Variants in ZBTB7B observed in about 807,000 individuals in gnomAD.
ZBTB7B encodes the protein zinc finger and BTB domain-containing protein 7B.
A neutral mutation model predicts 31.0 loss-of-function variants in ZBTB7B; 8 were observed. That is an observed-to-expected ratio of 0.26 (90% CI 0.15 to 0.47). ZBTB7B has a LOEUF of 0.47. Among genes scored for constraint, ZBTB7B ranks in the 20% least tolerant of loss-of-function variants. The pLI is 0.99. For missense variants in ZBTB7B, 494 were observed against 742.4 expected, an observed-to-expected ratio of 0.67 and a Z score of 3.89; for synonymous variants, 261 against 307.3, an observed-to-expected ratio of 0.85 and a Z score of 1.58.
rs747771729 is a variant in ZBTB7B at position 155,016,391 on chromosome 1, G to A, written c.1326G>A (p.Glu442=). 1.9e-6 allele frequency: 3 copies of A among 1,614,146 alleles called. No homozygotes were observed. The highest frequency in any genetic ancestry group is 2.5e-6 in the Non-Finnish European group (3 of 1,180,012). Residue 442 remains glutamate (E), a synonymous_variant, in exon 3 of 3, where the codon GAG becomes GAA. Transcript: ENST00000535420. This position sits in a 1 kb window ranked among gnomAD's most constrained non-coding sequence, Gnocchi z 4.3. ...CHLCHKAFAK[E]DHLQRHLKGQ... Reference sequence around the variant, plus strand: ...TGTGCCACAAGGCTTTCGCCAAGGAGGACCACCTGCAGCGCCACCTCAAAG... The same window carrying A: ...TGTGCCACAAGGCTTTCGCCAAGGAAGACCACCTGCAGCGCCACCTCAAAG...
chr1:155,002,975 G>T (rs80300592), intron 1 of ZBTB7B, 32 bp downstream of exon 1: 1 of 152,764 alleles, frequency 6.5e-6, no homozygotes, highest in Non-Finnish European at 1.5e-5. Context: ...CTCCTGGCTC[G>T]GGGTTCACTA....
chr1:155,009,609 AC>A (rs1658812342), intron 1 of ZBTB7B, among the ~76,000 whole-genome samples: 1 of 144,600 alleles, frequency 6.9e-6, no homozygotes, highest in Non-Finnish European at 1.5e-5. Flanking sequence ...CCCCACCCCC[AC>A]CCCACATCCG....
Position 155,016,734 on chromosome 1 carries a change from G to GTC in ZBTB7B, c.*49_*50insTC. 3 of 1,119,446 alleles carry GTC rather than the reference G, an allele frequency of 2.7e-6. No individual in the cohort carries two copies. Among genetic ancestry groups the GTC allele is most frequent in the Non-Finnish European group, 3.8e-6 (3 of 791,152 alleles). The allele number at this position is 1,119,446 out of a possible 1,614,324, so 69.3% of individuals were successfully genotyped here. On this transcript the variant is annotated 3_prime_UTR_variant, in exon 3 of 3. Transcript: ENST00000535420. The surrounding 1 kb of genome is among the most constrained non-coding windows in gnomAD (Gnocchi z 4.3). ...GCAGCACAAGGCCGGGGACACCCAT[G>GTC]CCAAGCAGTGGGAGCACGCAGGACA...
At chr1:155,007,436 C>T (rs1174798923) in intron 1 of ZBTB7B, among the ~76,000 whole-genome samples, 2 of 152,214 alleles carry the variant, frequency 1.3e-5, no homozygotes, top group Non-Finnish European at 2.9e-5. Context: ...GGTGCCCAAG[C>T]AAATGCTTGG....
chr1:155,002,216 A>G (rs972167290), upstream of ZBTB7B, among the ~76,000 whole-genome samples: 3 of 151,830 alleles, frequency 2.0e-5, no homozygotes, highest in African/African-American at 4.8e-5. Context: ...ATTCAGGCCA[A>G]TGAGCGGACA....
In ZBTB7B at chr1:155,016,497, G is replaced by A; in HGVS notation, c.1432G>A (p.Ala478Thr). 6.2e-7 allele frequency: 1 copy of A among 1,614,032 alleles called. No individual in the cohort carries two copies. Among genetic ancestry groups the A allele is most frequent in the South Asian group, 1.1e-5 (1 of 91,074 alleles). The change falls in exon 3 of 3, where the codon GCT becomes ACT. Residue 478 changes from alanine (A) to threonine (T), a missense_variant. Physicochemically the swap from Ala to Thr is moderately conservative, Grantham distance 58 (BLOSUM62 0). Coordinates refer to ENST00000535420, the MANE Select transcript of ZBTB7B (RefSeq NM_001256455.2). The surrounding 1 kb of genome is among the most constrained non-coding windows in gnomAD (Gnocchi z 4.3). ...PPHYPPPSTA[A>T]ASPAGLDLSN... is the part of the protein sequence containing the mutation. ...CCACTACCCACCACCCTCTACCGCT[G>A]CTGCATCCCCCGCTGGCCTCGACCT... is the stretch of plus-strand genomic sequence containing the variant.
At chr1:155,002,248 G>A (rs1189495345), upstream of ZBTB7B, among the ~76,000 whole-genome samples, 2 of 151,786 alleles carry the variant, frequency 1.3e-5, no homozygotes, top group African/African-American at 4.8e-5. Flanking sequence ...TGCAGGGGGC[G>A]GGCAGAGCAG....
chr1:155,015,369 G>A lies in ZBTB7B; in HGVS notation c.709G>A (p.Glu237Lys), dbSNP rs1006867931. The A allele has an allele frequency of 6.3e-7, 1 of 1,575,228 alleles. No homozygotes were observed. Among genetic ancestry groups the A allele is most frequent in the African/African-American group, 1.3e-5 (1 of 74,110 alleles). Residue 237 changes from glutamate to lysine, a missense_variant, in exon 2 of 3, where the codon GAG becomes AAG. By Grantham distance (56) the Glu-to-Lys change is moderately conservative. This residue lies in a region of ZBTB7B where 216 missense variants were observed against 229.3 expected (regional missense o/e 0.94). Transcript: ENST00000535420. ...PAHPLTYEEE[E>K]VAGRVGSSGG... ...CCATCCCTTGACCTATGAGGAGGAG[G>A]AGGTGGCGGGCAGAGTGGGCAGCAG...
rs1323882706 is a variant in ZBTB7B, at chr1:155,016,546, T to C, written c.1481T>C (p.Phe494Ser). 2 of 1,614,038 alleles carry C rather than the reference T, an allele frequency of 1.2e-6. No homozygotes were observed. Among genetic ancestry groups the C allele is most frequent in the South Asian group, 2.2e-5 (2 of 91,076 alleles). ...CTCTCCAATGGCCACCTGGACACCT[T>C]CCGCCTCTCTCTAGCTCGATTCTGG... ...LDLSNGHLDT[F>S]RLSLARFWEQ... The change falls in exon 3 of 3, where the codon TTC becomes TCC. Residue 494 changes from phenylalanine (F) to serine (S), a missense_variant. Phe to Ser is a radical substitution (Grantham distance 155). Coordinates refer to ENST00000535420, the MANE Select transcript of ZBTB7B (RefSeq NM_001256455.2). This position sits in a 1 kb window ranked among gnomAD's most constrained non-coding sequence, Gnocchi z 4.3.
chr1:155,015,839 C>T (rs768259459), intron 2 of ZBTB7B, 25 bp downstream of exon 2: 40 of 1,598,932 alleles, frequency 2.5e-5, no homozygotes, highest in South Asian at 8.9e-5. Flanking sequence ...GGGAAGGGCC[C>T]GGCAGGGGCC....
Position 155,018,461 on chromosome 1 carries a change from C to T in ZBTB7B, c.*1776C>T, listed in dbSNP as rs1248066260. On this transcript the variant is annotated 3_prime_UTR_variant, in exon 3 of 3. Coordinates refer to ENST00000535420, the MANE Select transcript of ZBTB7B (RefSeq NM_001256455.2). The stretch of plus-strand genomic sequence containing the variant: ...CTCCCCCCCTCCTATTCCCTTCCCC[C>T]CACCCCAACTCCCCCACCTCGGGTG... 16 of 1,389,560 alleles carry T rather than the reference C, an allele frequency of 1.2e-5. No individual in the cohort carries two copies. The Admixed American group carries it at 1.5e-4, about 13-fold the overall frequency. The allele number at this position is 1,389,560 out of a possible 1,614,324, so 86.1% of individuals were successfully genotyped here. A position where few individuals can be genotyped will look rare whatever the true frequency, so the allele number is the denominator to read the frequency against.
chr1:155,002,344 G>A (rs918171316), upstream of ZBTB7B, among the ~76,000 whole-genome samples: 35 of 149,854 alleles, frequency 2.3e-4, no homozygotes, highest in African/African-American at 8.4e-4. Context: ...GGGGGGGAGA[G>A]AGGGACCGCG....
chr1:155,012,694 T>C (rs1482406017), intron 1 of ZBTB7B, among the ~76,000 whole-genome samples: 1 of 151,538 alleles, frequency 6.6e-6, no homozygotes, highest in Non-Finnish European at 1.5e-5. Flanking sequence ...AAGGTTTCTG[T>C]GCAGGAGCCC....
intron 1 of ZBTB7B, chr1:155,014,421 G>A (rs1659212664): frequency 3.5e-6 from 2 of 572,008 alleles, no homozygotes; most frequent in Non-Finnish European, 6.2e-6. Context: ...TTTGAACACT[G>A]TTCTGCACTT....
upstream of ZBTB7B, among the ~76,000 whole-genome samples, chr1:155,002,120 C>G (rs933818910): frequency 2.0e-5 from 3 of 152,074 alleles, no homozygotes; most frequent in South Asian, 2.1e-4. Flanking sequence ...CCCCCTCCCC[C>G]CTCCTCTCCA....
Position 155,015,662 on chromosome 1 carries a change from C to G in ZBTB7B, c.1002C>G (p.Asp334Glu), listed in dbSNP as rs567943224. 1 of 1,613,320 alleles carries G rather than the reference C, an allele frequency of 6.2e-7. No homozygotes were observed. Among genetic ancestry groups the G allele is most frequent in the African/African-American group, 1.3e-5 (1 of 75,026 alleles). Residue 334 changes from aspartate (D) to glutamate (E), a missense_variant, in exon 2 of 3, where the codon GAC becomes GAG. By Grantham distance (45) the Asp-to-Glu change is conservative (BLOSUM62 2). This residue lies in a region of ZBTB7B where 216 missense variants were observed against 229.3 expected (regional missense o/e 0.94). Transcript: ENST00000535420. ...DNLAPGLDSQDKLVRKRRSQM... is the reference protein window; with the variant it reads ...DNLAPGLDSQEKLVRKRRSQM... ...TGGCACCAGGCCTGGACAGCCAAGA[C>G]AAGCTGGTGCGCAAACGCCGCTCCC...
At position 155,016,764 on chromosome 1, in the gene ZBTB7B, C is replaced by T; in HGVS notation, c.*79C>T. 1 of 818,244 alleles carries T rather than the reference C, an allele frequency of 1.2e-6. No homozygotes were observed. The highest frequency in any genetic ancestry group is 1.8e-5 in the South Asian group (1 of 54,648). 50.7% of individuals were successfully genotyped at this position (818,244 alleles called of 1,614,324 possible). On this transcript the variant is annotated 3_prime_UTR_variant, in exon 3 of 3. Coordinates refer to ENST00000535420, the MANE Select transcript of ZBTB7B (RefSeq NM_001256455.2). This position sits in a 1 kb window ranked among gnomAD's most constrained non-coding sequence, Gnocchi z 4.3. The stretch of plus-strand genomic sequence containing the variant: ...GCAGTGGGAGCACGCAGGACAGACA[C>T]AGCAGGGGTCTGGGGCACGGAGCCT...
intron 1 of ZBTB7B, among the ~76,000 whole-genome samples, chr1:155,007,939 G>A (rs995040359): frequency 3.9e-5 from 6 of 152,086 alleles, no homozygotes; most frequent in African/African-American, 1.4e-4. Context: ...GGTCACTAGG[G>A]CACCCCTCAT....
intron 1 of ZBTB7B, among the ~76,000 whole-genome samples, chr1:155,012,234 A>G (rs1267323860): frequency 6.9e-6 from 1 of 145,852 alleles, no homozygotes; most frequent in East Asian, 2.2e-4. Context: ...GGTGGGAGAA[A>G]GGAGGCGGGT....
Sources: allele counts gnomAD v4.1 joint callset (sites outside exome capture counted in the v4.1 genomes callset), GRCh38; gene constraint gnomAD v4.1.1; regional missense constraint gnomAD v4.1.1; non-coding constraint Gnocchi (gnomAD v3.1); transcripts MANE v1.5; gene names NCBI Gene and HGNC (gene_info 2026-07-23, HGNC 2026-07-21).